Variants in CSMD1 observed in about 807,000 individuals in gnomAD.
The protein encoded by CSMD1 is CUB and Sushi multiple domains 1.
A neutral mutation model predicts 417.5 loss-of-function variants in CSMD1; 213 were observed. That is an observed-to-expected ratio of 0.51 (90% CI 0.46 to 0.57). CSMD1 has a LOEUF of 0.57. CSMD1 is among the 20% of genes least tolerant of loss of function. The probability of loss-of-function intolerance (pLI) is 0.00; values close to 1 mark genes in which losing one functional copy is unlikely to be tolerated. For missense variants in CSMD1, 6,923 were observed against 4,529.7 expected, an observed-to-expected ratio of 1.53 and a Z score of -15.17; for synonymous variants, 2,862 against 1,736.8, an observed-to-expected ratio of 1.65 and a Z score of -16.11.
At chr8:4,216,696 C>T (rs957467235) in intron 3 of CSMD1, among the ~76,000 whole-genome samples, 4 of 151,974 alleles carry the variant, frequency 2.6e-5, no homozygotes, top group Non-Finnish European at 4.4e-5. Flanking sequence ...CATGTAAGCA[C>T]CAGTCATCTA....
Position 4,728,047 on chromosome 8 carries a change from T to C in CSMD1, c.86-90489A>G, listed in dbSNP as rs149036043. On this transcript the variant is annotated intron_variant, in intron 1 of 69. Coordinates refer to ENST00000635120, the MANE Select transcript of CSMD1 (RefSeq NM_033225.6). ...TTTTTTCTATTTTTTTGGTTTATTG[T>C]TATATATAGAGAGATGTAGAATGTA... Among the ~76,000 whole-genome samples, 965 of 146,714 alleles carry C rather than the reference T, an allele frequency of 6.6e-3. 5 individuals carry two copies. Among genetic ancestry groups the C allele is most frequent in the Middle Eastern group, 0.042 (11 of 264 alleles).
chr8:4,623,111 G>A (rs1038453398), intron 2 of CSMD1, among the ~76,000 whole-genome samples: 11 of 152,046 alleles, frequency 7.2e-5, no homozygotes, highest in Non-Finnish European at 1.2e-4. Flanking sequence ...CAAAGAACTC[G>A]AATCTGGAAT....
intron 5 of CSMD1, among the ~76,000 whole-genome samples, chr8:3,954,251 G>C (rs979602381): frequency 6.6e-6 from 1 of 152,230 alleles, no homozygotes. Context: ...AGGAGTGGAA[G>C]TTTATTTTAA....
intron 2 of CSMD1, among the ~76,000 whole-genome samples, chr8:4,633,263 T>C (rs368388887): frequency 1.3e-5 from 2 of 151,948 alleles, no homozygotes; most frequent in East Asian, 3.9e-4. Flanking sequence ...CTTTGTTTTT[T>C]TTTGATGGAG....
intron 3 of CSMD1, among the ~76,000 whole-genome samples, chr8:4,063,336 A>C (rs1424538648): frequency 6.6e-6 from 1 of 152,158 alleles, no homozygotes. Flanking sequence ...GATAAAATAA[A>C]AATTATGTTT....
chr8:3,467,704 G>A (rs924771345), intron 12 of CSMD1, among the ~76,000 whole-genome samples: 8 of 151,992 alleles, frequency 5.3e-5, no homozygotes, highest in African/African-American at 1.7e-4. Context: ...CCCACACAGA[G>A]AGAGAGAGCA....
intron 3 of CSMD1, among the ~76,000 whole-genome samples, chr8:4,363,605 C>G (rs913754311): frequency 2.6e-5 from 4 of 152,190 alleles, no homozygotes; most frequent in African/African-American, 7.2e-5. Flanking sequence ...TTCAAAGAGA[C>G]AACATCAACG....
intron 3 of CSMD1, among the ~76,000 whole-genome samples, chr8:4,169,232 G>A (rs1347107215): frequency 6.6e-6 from 1 of 152,112 alleles, no homozygotes; most frequent in Admixed American, 6.5e-5. Flanking sequence ...GTCCAGCAGT[G>A]TTCTCAATAC....
At chr8:4,115,456 G>A (rs969351063) in intron 3 of CSMD1, among the ~76,000 whole-genome samples, 16 of 152,120 alleles carry the variant, frequency 1.1e-4, no homozygotes, top group Admixed American at 3.3e-4. Flanking sequence ...AGGTATGCCT[G>A]TGTTTTTATA....
intron 1 of CSMD1, among the ~76,000 whole-genome samples, chr8:4,946,485 T>A (rs1585384887): frequency 6.6e-6 from 1 of 152,088 alleles, no homozygotes; most frequent in East Asian, 1.9e-4. Context: ...GAGACTACCC[T>A]CCCCAGGTAC....
chr8:4,008,612 T>TC (rs1563312998), intron 4 of CSMD1, among the ~76,000 whole-genome samples: 1 of 132,656 alleles, frequency 7.5e-6, no homozygotes, highest in East Asian at 2.1e-4. Flanking sequence ...TTTTTTTTTT[T>TC]TTTTTTTTTT....
Position 4,116,827 on chromosome 8 carries a change from T to C in CSMD1, c.416-84728A>G, listed in dbSNP as rs537456643. Among the ~76,000 whole-genome samples, 965 of 126,812 alleles carry C rather than the reference T, an allele frequency of 7.6e-3. 49 individuals carry two copies. The highest frequency in any genetic ancestry group is 0.064 in the East Asian group (262 of 4,120). 83.2% of individuals were successfully genotyped at this position (126,812 alleles called of 152,430 possible). The stretch of plus-strand genomic sequence containing the variant: ...AAACTACTCTAAAAAATAGGGTCTA[T>C]TAAAAAAAAACAAAAAGCACCTGGC... On this transcript the variant is annotated intron_variant, in intron 3 of 69. Transcript: ENST00000635120.
At chr8:4,151,402 C>A (rs1374293735) in intron 3 of CSMD1, among the ~76,000 whole-genome samples, 2 of 152,134 alleles carry the variant, frequency 1.3e-5, no homozygotes, top group Non-Finnish European at 1.5e-5. Flanking sequence ...AAGAAAAATA[C>A]TCTTTAAAAA....
chr8:3,666,649 G>T (rs1798710672), intron 7 of CSMD1, among the ~76,000 whole-genome samples: 1 of 152,098 alleles, frequency 6.6e-6, no homozygotes, highest in East Asian at 1.9e-4. Context: ...AATCATGGGG[G>T]CAGTTTCCCC....
At chr8:4,986,359 C>A (rs564194968) in intron 1 of CSMD1, among the ~76,000 whole-genome samples, 1 of 152,186 alleles carries the variant, frequency 6.6e-6, no homozygotes, top group East Asian at 1.9e-4. Flanking sequence ...GAAAATTACT[C>A]ATTTGTTAGA....
chr8:4,093,220 T>C (rs1386902118), intron 3 of CSMD1, among the ~76,000 whole-genome samples: 1 of 151,842 alleles, frequency 6.6e-6, no homozygotes, highest in African/African-American at 2.4e-5. Context: ...TAAAGTATAA[T>C]TTACCTATGT....
At chr8:3,147,063 G>C (rs561863167) in intron 40 of CSMD1, among the ~76,000 whole-genome samples, 1 of 148,280 alleles carries the variant, frequency 6.7e-6, no homozygotes, top group African/African-American at 2.6e-5. Flanking sequence ...AGAGTAACTG[G>C]AGGAGCAACG....
chr8:4,314,789 G>C (rs1410254934), intron 3 of CSMD1, among the ~76,000 whole-genome samples: 1 of 152,166 alleles, frequency 6.6e-6, no homozygotes, highest in Non-Finnish European at 1.5e-5. Flanking sequence ...AAAAGATTCA[G>C]CATTTATGAA....
At chr8:3,275,538 C>G (rs952294910) in intron 26 of CSMD1, among the ~76,000 whole-genome samples, 2 of 152,194 alleles carry the variant, frequency 1.3e-5, no homozygotes, top group African/African-American at 4.8e-5. Flanking sequence ...CTACTTGGTT[C>G]CATTGTCCCT....
Sources: allele counts gnomAD v4.1 joint callset (sites outside exome capture counted in the v4.1 genomes callset), GRCh38; gene constraint gnomAD v4.1.1; transcripts MANE v1.5; gene names NCBI Gene and HGNC (gene_info 2026-07-23, HGNC 2026-07-21).